AKAP9: variants seen among roughly 807,000 people sequenced by gnomAD.
AKAP9 encodes the protein A-kinase anchor protein 9.
AKAP9 carries 311 observed loss-of-function variants against 488.5 expected under a neutral mutation model. That is an observed-to-expected ratio of 0.64 (90% CI 0.58 to 0.70). The LOEUF (loss-of-function observed/expected upper bound fraction) is 0.70. Ranked by LOEUF, AKAP9 falls within the 30% of genes least tolerant of loss-of-function variation. The pLI is 0.00. For missense variants in AKAP9, 4,215 were observed against 4,374.5 expected, an observed-to-expected ratio of 0.96 and a Z score of 1.03; for synonymous variants, 1,462 against 1,483.5, an observed-to-expected ratio of 0.99 and a Z score of 0.33.
At chr7:92,041,072 TAA>T in intron 18 of AKAP9, 174 bp downstream of exon 18, 1 of 589,344 alleles carries the variant, frequency 1.7e-6, no homozygotes, top group South Asian at 2.3e-5. Context: ...CACTCTATAC[TAA>T]GACAGCAGCT....
At chr7:91,975,909 T>G (rs927207385) in intron 2 of AKAP9, among the ~76,000 whole-genome samples, 2 of 112,966 alleles carry the variant, frequency 1.8e-5, no homozygotes, top group Non-Finnish European at 3.6e-5. Flanking sequence ...TTGGTTTGTT[T>G]TTTGTTTGTT....
intron 45 of AKAP9, among the ~76,000 whole-genome samples, 163 bp downstream of exon 45, chr7:92,101,219 G>A (rs1441895382): frequency 6.6e-6 from 1 of 152,072 alleles, no homozygotes; most frequent in Non-Finnish European, 1.5e-5. Context: ...GGCAGATCAC[G>A]AGGTCAGGAG....
rs545529574 is a variant in AKAP9, at chr7:92,077,620, T to C, written c.6766-76T>C. 615 of 1,261,890 alleles carry C rather than the reference T, an allele frequency of 4.9e-4. 7 individuals carry two copies. The South Asian group carries it at 7.1e-3, about 15-fold the overall frequency. 78.2% of individuals were successfully genotyped at this position (1,261,890 alleles called of 1,614,324 possible). ...TTATTCATTTGTACGTTATAGGCTC[T>C]GATTTCTTTTGTAATTATGTTCTGA... On this transcript the variant is annotated intron_variant, in intron 29 of 49. Coordinates refer to ENST00000356239, the MANE Select transcript of AKAP9 (RefSeq NM_005751.5).
intron 1 of AKAP9, among the ~76,000 whole-genome samples, chr7:91,948,479 G>GT (rs1043586029): frequency 6.7e-6 from 1 of 149,470 alleles, no homozygotes; most frequent in Non-Finnish European, 1.5e-5. Flanking sequence ...TTGTTTTTTT[G>GT]TTTTTTTAAT....
At position 92,038,708 on chromosome 7, in the gene AKAP9, A is replaced by T. The variant is rs1554426900; in HGVS notation, c.4628A>T (p.Asp1543Val). 1 of 1,607,304 alleles carries T rather than the reference A, an allele frequency of 6.2e-7. No homozygotes were observed. Among genetic ancestry groups the T allele is most frequent in the African/African-American group, 1.3e-5 (1 of 74,534 alleles). The change falls in exon 17 of 50, where the codon GAC becomes GTC. Residue 1543 changes from aspartate to valine, a missense_variant. By Grantham distance (152) the Asp-to-Val change is radical. This residue lies in a region of AKAP9 where 2,361 missense variants were observed against 2,430.0 expected (regional missense o/e 0.97). Coordinates refer to ENST00000356239, the MANE Select transcript of AKAP9 (RefSeq NM_005751.5). Reference protein sequence around the residue: ...SDPHDIPESKDCVLTISEEMF... With the variant: ...SDPHDIPESKVCVLTISEEMF... ...CCCCATGATATACCAGAATCAAAGG[A>T]CTGTGTGCTGACTATTTCAGAAGAA...
chr7:92,071,088 G>A, intron 28 of AKAP9, 79 bp downstream of exon 28: 2 of 1,360,626 alleles, frequency 1.5e-6, no homozygotes, highest in South Asian at 1.2e-5. Flanking sequence ...TATTTGAACT[G>A]AATGTAGTTT....
chr7:92,001,557 C>G lies in AKAP9; in HGVS notation c.1640C>G (p.Ala547Gly). The G allele has an allele frequency of 2.5e-6, 4 of 1,613,816 alleles. No individual in the cohort carries two copies. Among genetic ancestry groups the G allele is most frequent in the Non-Finnish European group, 3.4e-6 (4 of 1,179,838 alleles). ...LSFSREQIQR[A>G]RQTIAEQESK... ...TTTTCAAGGGAACAGATTCAGAGAG[C>G]TAGACAGACAATAGCTGAACAAGAA... Residue 547 changes from alanine (A) to glycine (G), a missense_variant, in exon 8 of 50, where the codon GCT (alanine) becomes GGT (glycine). Transcript: ENST00000356239.
chr7:92,002,648 A>G lies in AKAP9; in HGVS notation c.2731A>G (p.Lys911Glu), dbSNP rs1799312985. 1 of 1,613,200 alleles carries G rather than the reference A, an allele frequency of 6.2e-7. No individual in the cohort carries two copies. The highest frequency in any genetic ancestry group is 8.5e-7 in the Non-Finnish European group (1 of 1,179,606). Residue 911 changes from lysine to glutamate, a missense_variant, in exon 8 of 50, where the codon AAA becomes GAA. Lys to Glu is a moderately conservative substitution (Grantham distance 56). Coordinates refer to ENST00000356239, the MANE Select transcript of AKAP9 (RefSeq NM_005751.5). Reference protein sequence around the residue: ...HLQRINPTTVKMKSSVFDEDK... With the variant: ...HLQRINPTTVEMKSSVFDEDK... ...GCAAAGAATAAATCCAACTACAGTG[A>G]AAATGAAAAGTTCTGTCTTTGATGA...
At position 92,070,209 on chromosome 7, in the gene AKAP9, G is replaced by A. The variant is rs761860651; in HGVS notation, c.6507+3G>A. 6.2e-7 allele frequency: 1 copy of A among 1,613,948 alleles called. No individual in the cohort carries two copies. Among genetic ancestry groups the A allele is most frequent in the Non-Finnish European group, 8.5e-7 (1 of 1,179,890 alleles). The stretch of plus-strand genomic sequence containing the variant: ...TGAGTGCAGATACTTTTCAAAAGGT[G>A]TGGCATTTTATTTGGGCTAACTTAA... On this transcript the variant is annotated splice_donor_region_variant and intron_variant, in intron 27 of 49. Coordinates refer to ENST00000356239, the MANE Select transcript of AKAP9 (RefSeq NM_005751.5).
chr7:92,026,879 G>A (rs1379906842), intron 14 of AKAP9, among the ~76,000 whole-genome samples: 1 of 150,838 alleles, frequency 6.6e-6, no homozygotes, highest in Non-Finnish European at 1.5e-5. Flanking sequence ...CGCCGTCTAG[G>A]AAGTGAGGAG....
intron 3 of AKAP9, among the ~76,000 whole-genome samples, chr7:91,981,094 A>G (rs1167946971): frequency 6.6e-6 from 1 of 152,252 alleles, no homozygotes. Flanking sequence ...AAGTTGGAAT[A>G]TACTTACTAG....
At chr7:92,109,050 A>C in intron 49 of AKAP9, 1 of 63,352 alleles carries the variant, frequency 1.6e-5, no homozygotes, top group Non-Finnish European at 3.7e-5. Flanking sequence ...TGTCTCAAAG[A>C]AAAAAAAAAA....
At chr7:91,962,546 A>T (rs1196157107) in intron 1 of AKAP9, among the ~76,000 whole-genome samples, 1 of 152,130 alleles carries the variant, frequency 6.6e-6, no homozygotes, top group African/African-American at 2.4e-5. Flanking sequence ...AAGATAAATT[A>T]TCTTTTTTTA....
At chr7:91,995,959 GTA>G in intron 7 of AKAP9, 159 bp downstream of exon 7, 2 of 640,540 alleles carry the variant, frequency 3.1e-6, no homozygotes, top group Non-Finnish European at 5.4e-6. Context: ...TCTCAGTAAT[GTA>G]GTTTTTAAGA....
At position 92,077,836 on chromosome 7, in the gene AKAP9, G is replaced by T. The variant is rs746485312; in HGVS notation, c.6906G>T (p.Thr2302=). The change falls in exon 30 of 50, where the codon ACG becomes ACT. Residue 2302 remains threonine (T), a synonymous_variant. Transcript: ENST00000356239. The part of the protein sequence containing the change: ...VEIDQLNEQV[T]KLQQQLKITT... ...TTGACCAATTAAATGAACAAGTTAC[G>T]AAACTCCAGCAGCAACTTAAAATTA... 1 of 1,613,372 alleles carries T rather than the reference G, an allele frequency of 6.2e-7. No homozygotes were observed. The highest frequency in any genetic ancestry group is 8.5e-7 in the Non-Finnish European group (1 of 1,179,764).
At chr7:92,041,019 T>G (rs1806014898) in intron 18 of AKAP9, 121 bp downstream of exon 18, 4 of 752,238 alleles carry the variant, frequency 5.3e-6, no homozygotes, top group South Asian at 1.8e-5. Context: ...TTTTTTTTTT[T>G]GCCGAAATCT....
At chr7:92,060,744 A>T (rs1809617478) in intron 22 of AKAP9, among the ~76,000 whole-genome samples, 1 of 152,134 alleles carries the variant, frequency 6.6e-6, no homozygotes, top group Non-Finnish European at 1.5e-5. Flanking sequence ...TGGATTATAA[A>T]TATAATTTCA....
At chr7:92,034,635 G>A (rs1335613358) in intron 16 of AKAP9, among the ~76,000 whole-genome samples, 1 of 149,910 alleles carries the variant, frequency 6.7e-6, no homozygotes, top group Non-Finnish European at 1.5e-5. Context: ...CAAGTAGCTG[G>A]GATTGCAGGC....
chr7:91,971,560 CTTTTTTT>C (rs71107844), intron 1 of AKAP9, among the ~76,000 whole-genome samples: 4 of 68,542 alleles, frequency 5.8e-5, no homozygotes, highest in Admixed American at 4.3e-4. Context: ...ACATCTATTT[CTTTTTTT>C]TTTTTTTTTT....
Sources: allele counts gnomAD v4.1 joint callset (sites outside exome capture counted in the v4.1 genomes callset), GRCh38; gene constraint gnomAD v4.1.1; regional missense constraint gnomAD v4.1.1; transcripts MANE v1.5; gene names NCBI Gene and HGNC (gene_info 2026-07-23, HGNC 2026-07-21).